KCNIP1: variants seen among roughly 807,000 people sequenced by gnomAD.
KCNIP1 encodes the protein potassium voltage-gated channel interacting protein 1.
KCNIP1 carries 18 observed loss-of-function variants against 33.0 expected under a neutral mutation model. The observed-to-expected ratio is 0.55, with a 90% CI of 0.38 to 0.81. KCNIP1 has a LOEUF of 0.81. Ranked by LOEUF, KCNIP1 falls within the 30% of genes least tolerant of loss-of-function variation. The pLI is 0.00. For synonymous variants in KCNIP1, 93 were observed against 98.3 expected, an observed-to-expected ratio of 0.95 and a Z score of 0.32; for missense variants, 238 against 271.6, an observed-to-expected ratio of 0.88 and a Z score of 0.87.
chr5:170,367,093 T>A (rs1170663332), intron 1 of KCNIP1, among the ~76,000 whole-genome samples: 1 of 151,914 alleles, frequency 6.6e-6, no homozygotes, highest in Non-Finnish European at 1.5e-5. Flanking sequence ...CTGAGGCAGG[T>A]GGATCCCTTG....
chr5:170,712,806 G>A, intron 1 of KCNIP1: 2 of 1,594,038 alleles, frequency 1.3e-6, no homozygotes, highest in South Asian at 1.1e-5. Context: ...AGTGTGTTTT[G>A]CTTTTCGATG....
At chr5:170,546,685 T>G (rs548438298) in intron 1 of KCNIP1, among the ~76,000 whole-genome samples, 46 of 152,312 alleles carry the variant, frequency 3.0e-4, no homozygotes, top group African/African-American at 1.1e-3. Flanking sequence ...TTTTCTTTTT[T>G]TTTCTTAATA....
chr5:170,503,714 C>T (rs1317130396), upstream of KCNIP1, among the ~76,000 whole-genome samples: 1 of 143,456 alleles, frequency 7.0e-6, no homozygotes, highest in Non-Finnish European at 1.5e-5. Context: ...CACACACGCA[C>T]GCACGCACAT....
intron 1 of KCNIP1, among the ~76,000 whole-genome samples, chr5:170,553,719 G>C (rs761043582): frequency 1.3e-5 from 2 of 152,234 alleles, no homozygotes; most frequent in Non-Finnish European, 2.9e-5. Flanking sequence ...GTAAGAAGGA[G>C]AGGGCCTCAA....
intron 1 of KCNIP1, among the ~76,000 whole-genome samples, chr5:170,600,815 A>T (rs756186352): frequency 2.6e-5 from 4 of 152,226 alleles, no homozygotes; most frequent in Non-Finnish European, 5.9e-5. Context: ...TGGGCAAGCT[A>T]GCCCGCTGCT....
intron 1 of KCNIP1, among the ~76,000 whole-genome samples, chr5:170,694,717 G>A (rs1001031562): frequency 3.3e-5 from 5 of 151,942 alleles, no homozygotes; most frequent in East Asian, 1.9e-4. Flanking sequence ...CTTTCCTCTC[G>A]ACACCCAGAA....
chr5:170,665,065 G>A (rs568546172), intron 1 of KCNIP1, among the ~76,000 whole-genome samples: 68 of 152,256 alleles, frequency 4.5e-4, no homozygotes, highest in East Asian at 2.7e-3. Context: ...AATACACAGC[G>A]CGGGGAATGG....
intron 1 of KCNIP1, among the ~76,000 whole-genome samples, chr5:170,428,092 T>C (rs1264171270): frequency 1.3e-5 from 2 of 152,194 alleles, no homozygotes; most frequent in East Asian, 3.8e-4. Flanking sequence ...ACTCCTCCCC[T>C]TCTAATGTGG....
chr5:170,471,659 C>T (rs989415895), intron 1 of KCNIP1, among the ~76,000 whole-genome samples: 3 of 152,110 alleles, frequency 2.0e-5, no homozygotes, highest in East Asian at 1.9e-4. Context: ...AGGGAAGCAG[C>T]GGGCCAGGTG....
chr5:170,626,657 C>G (rs1223170960), intron 1 of KCNIP1, among the ~76,000 whole-genome samples: 1 of 152,208 alleles, frequency 6.6e-6, no homozygotes, highest in Non-Finnish European at 1.5e-5. Flanking sequence ...GACCTGGCCC[C>G]CAGGTCTCAT....
intron 1 of KCNIP1, among the ~76,000 whole-genome samples, chr5:170,390,463 G>C (rs1764672435): frequency 7.0e-6 from 1 of 141,904 alleles, no homozygotes; most frequent in African/African-American, 2.7e-5. Flanking sequence ...TCAAGATTGT[G>C]CCACTGCACT....
At chr5:170,422,789 C>T (rs1372380103) in intron 1 of KCNIP1, 1 of 152,160 alleles carries the variant, frequency 6.6e-6, no homozygotes, top group African/African-American at 2.4e-5. Context: ...ATGATTTTCC[C>T]AAAGGACAAA....
chr5:170,442,616 A>G (rs1756019608), intron 1 of KCNIP1, among the ~76,000 whole-genome samples: 1 of 152,082 alleles, frequency 6.6e-6, no homozygotes, highest in Non-Finnish European at 1.5e-5. Flanking sequence ...AGGTCACTAC[A>G]CTCAGGAGTT....
chr5:170,383,995 G>A lies in KCNIP1; in HGVS notation c.88+30031G>A, dbSNP rs1220815975. ...CTTGTCTTCAGCATCCAGCAATAAA[G>A]GCACATGACCCCACAGTCCCCGGAC... On this transcript the variant is annotated intron_variant, in intron 1 of 7. Transcript: ENST00000377360. 5.2e-6 allele frequency: 4 copies of A among 772,206 alleles called. No homozygotes were observed. In the African/African-American group the frequency reaches 7.0e-5, roughly 13 times the overall value. The allele number at this position is 772,206 out of a possible 1,614,324, so 47.8% of individuals were successfully genotyped here.
chr5:170,377,045 C>T (rs766126470), intron 1 of KCNIP1: 2 of 152,132 alleles, frequency 1.3e-5, no homozygotes, highest in Admixed American at 1.3e-4. Context: ...AGAGTAGAGA[C>T]AGGATTCAAA....
At chr5:170,685,435 C>T (rs1646506131) in intron 1 of KCNIP1, among the ~76,000 whole-genome samples, 1 of 148,554 alleles carries the variant, frequency 6.7e-6, no homozygotes, top group Non-Finnish European at 1.5e-5. Context: ...CCAAAAGGCA[C>T]ACTAGATGTG....
At chr5:170,622,622 C>CAAAAA (rs371896008) in intron 1 of KCNIP1, among the ~76,000 whole-genome samples, 16 of 103,696 alleles carry the variant, frequency 1.5e-4, no homozygotes, top group African/African-American at 3.5e-4. Context: ...GACTCTGTCT[C>CAAAAA]AAAAAAAAAA....
At chr5:170,411,827 C>T (rs1310058862) in intron 1 of KCNIP1, among the ~76,000 whole-genome samples, 1 of 152,004 alleles carries the variant, frequency 6.6e-6, no homozygotes, top group Admixed American at 6.6e-5. Flanking sequence ...AAACCAATGC[C>T]GAGCGCCAAA....
At chr5:170,364,417 A>G (rs1403493699) in intron 1 of KCNIP1, among the ~76,000 whole-genome samples, 2 of 152,224 alleles carry the variant, frequency 1.3e-5, no homozygotes, top group Non-Finnish European at 2.9e-5. Context: ...CTTTTTATCC[A>G]TTGATGGACC....
Sources: allele counts gnomAD v4.1 joint callset (sites outside exome capture counted in the v4.1 genomes callset), GRCh38; gene constraint gnomAD v4.1.1; transcripts MANE v1.5; gene names NCBI Gene and HGNC (gene_info 2026-07-23, HGNC 2026-07-21).